The following ADCY5 variants were observed in gnomAD, a reference collection of about 807,000 sequenced individuals.
ADCY5 encodes adenylate cyclase 5.
In ADCY5, 30 loss-of-function variants were observed where a neutral mutation model predicts 119.7. That is an observed-to-expected ratio of 0.25 (90% CI 0.19 to 0.34). The LOEUF (loss-of-function observed/expected upper bound fraction) is 0.34, where lower values mean the gene tolerates loss of function less well. Ranked by LOEUF, ADCY5 falls within the 10% of genes least tolerant of loss-of-function variation. The probability of loss-of-function intolerance (pLI) is 1.00; values close to 1 mark genes in which losing one functional copy is unlikely to be tolerated. For missense variants in ADCY5, 1,324 were observed against 1,775.2 expected (o/e 0.75, Z 4.57); for synonymous variants, 753 against 762.2 (o/e 0.99, Z 0.20).
chr3:123,287,097 A>C, intron 19 of ADCY5: 5 of 293,608 alleles, frequency 1.7e-5, no homozygotes, highest in Non-Finnish European at 1.9e-5. Flanking sequence ...CCTTTCCCTA[A>C]TCCTCCTCCT....
At chr3:123,309,100 C>T (rs574048255) in intron 12 of ADCY5, among the ~76,000 whole-genome samples, 1 of 152,292 alleles carries the variant, frequency 6.6e-6, no homozygotes, top group East Asian at 1.9e-4. Context: ...AGTTAATAAA[C>T]CATGATTGGG....
chr3:123,367,011 C>G (rs1275209454), intron 1 of ADCY5, among the ~76,000 whole-genome samples: 1 of 152,220 alleles, frequency 6.6e-6, no homozygotes, highest in Non-Finnish European at 1.5e-5. Flanking sequence ...AAATCTTCTG[C>G]CTTCCATTCT....
intron 1 of ADCY5, among the ~76,000 whole-genome samples, chr3:123,395,742 G>C (rs754211288): frequency 2.2e-4 from 34 of 151,558 alleles, no homozygotes; most frequent in Non-Finnish European, 4.4e-4. Context: ...TAATTGCCGG[G>C]TGTGGTGGCA....
At chr3:123,316,757 T>C (rs1192255406) in intron 11 of ADCY5, among the ~76,000 whole-genome samples, 1 of 152,134 alleles carries the variant, frequency 6.6e-6, no homozygotes, top group African/African-American at 2.4e-5. Context: ...TAGTAGATGA[T>C]AGTAGGGATT....
intron 12 of ADCY5, among the ~76,000 whole-genome samples, chr3:123,313,917 G>C (rs909933218): frequency 6.6e-6 from 1 of 152,214 alleles, no homozygotes; most frequent in African/African-American, 2.4e-5. Flanking sequence ...CTCTGTGACA[G>C]ACTTGGTGCT....
At chr3:123,369,078 C>A (rs769573328) in intron 1 of ADCY5, among the ~76,000 whole-genome samples, 2 of 152,070 alleles carry the variant, frequency 1.3e-5, no homozygotes, top group African/African-American at 2.4e-5. Flanking sequence ...ATTCACAGGT[C>A]AATTGGAGGT....
chr3:123,300,281 G>A lies in ADCY5; in HGVS notation c.2739C>T (p.Ser913=), dbSNP rs745911494. The A allele has an allele frequency of 1.5e-5, 24 of 1,613,202 alleles. No individual in the cohort carries two copies. The highest frequency in any genetic ancestry group is 2.7e-5 in the African/African-American group (2 of 74,958). The change falls in exon 15 of 21, where the codon AGC becomes AGT. Residue 913 remains serine (S), a synonymous_variant. Transcript: ENST00000462833. ...AGCAGGCCAGCAGGCTGAGCAGCACGCTGTAGGTGAAGTACTGCGGGCAGA... is the reference window on the plus strand; with the variant it reads ...AGCAGGCCAGCAGGCTGAGCAGCACACTGTAGGTGAAGTACTGCGGGCAGA... ...NCNFPEYFTY[S]VLLSLLACSV...
chr3:123,378,990 C>T (rs1943935878), intron 1 of ADCY5, among the ~76,000 whole-genome samples: 1 of 152,162 alleles, frequency 6.6e-6, no homozygotes, highest in African/African-American at 2.4e-5. Context: ...GTGCCTGGCC[C>T]TGTGGAAAAG....
intron 1 of ADCY5, among the ~76,000 whole-genome samples, chr3:123,398,013 G>A (rs1351749518): frequency 6.6e-6 from 1 of 152,196 alleles, no homozygotes; most frequent in African/African-American, 2.4e-5. Context: ...CTGACTGCAA[G>A]GCACTGACAA....
chr3:123,303,246 G>A lies in ADCY5; in HGVS notation c.2560-27C>T, dbSNP rs777197837. On this transcript the variant is annotated intron_variant, in intron 13 of 20. Transcript: ENST00000462833. Reference sequence around the variant, plus strand: ...TGGGGGGAGGAAGGAGGGTGATGAGGGGAGGGTAAGCTGCTGGGGGACAGG... The same window carrying A: ...TGGGGGGAGGAAGGAGGGTGATGAGAGGAGGGTAAGCTGCTGGGGGACAGG... 8 of 1,606,230 alleles carry A rather than the reference G, an allele frequency of 5.0e-6. No individual in the cohort carries two copies. In the East Asian group the frequency reaches 1.8e-4, roughly 36 times the overall value.
chr3:123,302,921 G>A (rs1418662907), intron 14 of ADCY5, 134 bp downstream of exon 14: 8 of 1,033,524 alleles, frequency 7.7e-6, no homozygotes, highest in Non-Finnish European at 2.8e-6. Context: ...GAGAGATACT[G>A]GGGTAAGCAG....
chr3:123,365,584 T>C (rs952939161), intron 1 of ADCY5, among the ~76,000 whole-genome samples: 1 of 152,160 alleles, frequency 6.6e-6, no homozygotes, highest in Non-Finnish European at 1.5e-5. Flanking sequence ...CCTAATCCAC[T>C]TAGGGGAAGT....
chr3:123,300,090 A>G, intron 15 of ADCY5, 30 bp downstream of exon 15: 1 of 1,610,074 alleles, frequency 6.2e-7, no homozygotes, highest in Non-Finnish European at 8.5e-7. Context: ...TCTCATGCCC[A>G]GTGGGGAGCG....
At chr3:123,287,416 TC>T in intron 19 of ADCY5, among the ~76,000 whole-genome samples, 1 of 152,294 alleles carries the variant, frequency 6.6e-6, no homozygotes, top group East Asian at 1.9e-4. Flanking sequence ...TCTCTCCTCC[TC>T]CCCAGGCTAA....
intron 1 of ADCY5, among the ~76,000 whole-genome samples, chr3:123,385,590 C>T (rs1199758362): frequency 6.6e-6 from 1 of 152,084 alleles, no homozygotes; most frequent in Non-Finnish European, 1.5e-5. Context: ...CCTACCCCTG[C>T]CCCTCCAGCT....
intron 1 of ADCY5, among the ~76,000 whole-genome samples, chr3:123,388,545 G>A (rs1944303700): frequency 6.6e-6 from 1 of 150,492 alleles, no homozygotes; most frequent in Non-Finnish European, 1.5e-5. Context: ...CTCCGGAGAG[G>A]CTGGGCCAGA....
At chr3:123,317,998 C>T in intron 11 of ADCY5, 22 bp downstream of exon 11, 1 of 1,604,680 alleles carries the variant, frequency 6.2e-7, no homozygotes, top group Non-Finnish European at 8.5e-7. Context: ...GGAAGGAGCC[C>T]AAGAGGGACG....
intron 1 of ADCY5, among the ~76,000 whole-genome samples, chr3:123,384,818 T>C (rs1382250524): frequency 1.3e-5 from 2 of 152,066 alleles, no homozygotes; most frequent in Non-Finnish European, 2.9e-5. Context: ...CCACTCTGAT[T>C]TCCTTGTTAT....
chr3:123,314,925 G>T (rs1940827791), intron 11 of ADCY5, among the ~76,000 whole-genome samples: 1 of 152,170 alleles, frequency 6.6e-6, no homozygotes, highest in African/African-American at 2.4e-5. Flanking sequence ...CGCAGTTTTT[G>T]CTCCTCGATT....
Sources: allele counts gnomAD v4.1 joint callset (sites outside exome capture counted in the v4.1 genomes callset), GRCh38; gene constraint gnomAD v4.1.1; transcripts MANE v1.5; gene names NCBI Gene and HGNC (gene_info 2026-07-23, HGNC 2026-07-21).